Variants in RAD17 observed in about 807,000 individuals in gnomAD.
RAD17 encodes RAD17 checkpoint clamp loader component, also known as cell cycle checkpoint protein RAD17.
Under a neutral mutation model 81.5 loss-of-function variants are expected in RAD17, and 31 were observed. The observed-to-expected ratio is 0.38, with a 90% CI of 0.29 to 0.51. The LOEUF is 0.51. RAD17 is among the 20% of genes least tolerant of loss of function. The pLI is 0.88. For missense variants in RAD17, 681 were observed against 781.2 expected (o/e 0.87, Z 1.53); for synonymous variants, 261 against 266.2 (o/e 0.98, Z 0.19).
chr5:69,405,661 T>C (rs977283056), intron 17 of RAD17, among the ~76,000 whole-genome samples: 5 of 151,434 alleles, frequency 3.3e-5, no homozygotes, highest in African/African-American at 9.7e-5. Context: ...AGCAAAACTC[T>C]GTCTCAAAAA....
At chr5:69,387,658 G>A (rs1764297871) in intron 11 of RAD17, among the ~76,000 whole-genome samples, 1 of 152,144 alleles carries the variant, frequency 6.6e-6, no homozygotes. Context: ...AGGAGTTCAT[G>A]ACCAGCCTGG....
chr5:69,379,690 CACAA>C (rs1464531684), intron 6 of RAD17, among the ~76,000 whole-genome samples: 2 of 151,560 alleles, frequency 1.3e-5, no homozygotes, highest in African/African-American at 4.8e-5. Context: ...GAAATGAAGA[CACAA>C]ACACACCAAT....
chr5:69,402,947 C>T (rs1383732521), intron 17 of RAD17, among the ~76,000 whole-genome samples: 1 of 152,222 alleles, frequency 6.6e-6, no homozygotes, highest in Admixed American at 6.6e-5. Flanking sequence ...AACTTAATAC[C>T]GTTTATTTTA....
intron 13 of RAD17, 127 bp downstream of exon 13, chr5:69,392,140 A>G (rs1222317527): frequency 2.8e-6 from 2 of 715,688 alleles, no homozygotes; most frequent in Non-Finnish European, 4.3e-6. Context: ...TAGGTCAGAT[A>G]CTGTTTGCCT....
At chr5:69,393,556 A>G in intron 15 of RAD17, 56 bp downstream of exon 15, 14 of 1,491,002 alleles carry the variant, frequency 9.4e-6, no homozygotes, top group Non-Finnish European at 1.3e-5. Context: ...AGAATTAAGA[A>G]AAGAAAGTTT....
At chr5:69,374,757 C>T in intron 6 of RAD17, 46 bp downstream of exon 6, 1 of 1,434,674 alleles carries the variant, frequency 7.0e-7, no homozygotes, top group Non-Finnish European at 9.7e-7. Context: ...AAATATTTTT[C>T]TGACTTACAG....
intron 18 of RAD17, among the ~76,000 whole-genome samples, chr5:69,413,782 G>A (rs187466830): frequency 6.6e-6 from 1 of 152,338 alleles, no homozygotes; most frequent in East Asian, 1.9e-4. Context: ...TGATCTGCCT[G>A]CCTTGGCCTC....
Position 69,373,871 on chromosome 5 carries a change from G to C in RAD17, c.51G>C (p.Glu17Asp), listed in dbSNP as rs1471885232. 6.2e-7 allele frequency: 1 copy of C among 1,609,748 alleles called. No individual in the cohort carries two copies. The highest frequency in any genetic ancestry group is 8.5e-7 in the Non-Finnish European group (1 of 1,176,906). Reference protein sequence around the residue: ...WVDPSFDDFLECSGVSTITAT... With the variant: ...WVDPSFDDFLDCSGVSTITAT... The stretch of plus-strand genomic sequence containing the variant: ...ACCCATCATTTGATGATTTTCTAGA[G>C]TGTAGTGGCGTCTCTACTATTACTG... The change falls in exon 5 of 19, where the codon GAG (glutamate) becomes GAC (aspartate). Residue 17 changes from glutamate to aspartate, a missense_variant. Coordinates refer to ENST00000354868, the MANE Select transcript of RAD17 (RefSeq NM_133338.3).
intron 6 of RAD17, among the ~76,000 whole-genome samples, chr5:69,380,724 G>T (rs1763802138): frequency 6.7e-6 from 1 of 150,090 alleles, no homozygotes; most frequent in African/African-American, 2.5e-5. Context: ...ACAACCTCTA[G>T]TCTCTCGTTA....
At chr5:69,393,308 C>T in intron 14 of RAD17, 46 bp from the exon 15 acceptor site, 1 of 1,567,620 alleles carries the variant, frequency 6.4e-7, no homozygotes, top group South Asian at 1.1e-5. Context: ...ATATATTTGA[C>T]CATTGCATTT....
intron 17 of RAD17, among the ~76,000 whole-genome samples, chr5:69,404,695 G>C (rs769075786): frequency 6.6e-6 from 1 of 151,238 alleles, no homozygotes; most frequent in Non-Finnish European, 1.5e-5. Context: ...CTTGAACCCG[G>C]GAGGCGGAGG....
At chr5:69,390,972 G>T (rs1320932072) in intron 12 of RAD17, among the ~76,000 whole-genome samples, 1 of 150,970 alleles carries the variant, frequency 6.6e-6, no homozygotes, top group Non-Finnish European at 1.5e-5. Flanking sequence ...AAAAGGCCGG[G>T]CATGGTGGCT....
At chr5:69,387,440 C>T (rs563789871) in intron 11 of RAD17, among the ~76,000 whole-genome samples, 8 of 152,144 alleles carry the variant, frequency 5.3e-5, no homozygotes, top group Admixed American at 2.6e-4. Context: ...GGATTAAATA[C>T]GTTAGTGTAG....
At chr5:69,385,084 G>C (rs538324438) in intron 8 of RAD17, 151 bp downstream of exon 8, 6 of 625,966 alleles carry the variant, frequency 9.6e-6, no homozygotes, top group African/African-American at 7.9e-5. Context: ...CTCAGCCTCC[G>C]GAGTAGCTGG....
intron 8 of RAD17, among the ~76,000 whole-genome samples, chr5:69,385,514 C>T (rs1382721577): frequency 6.6e-6 from 1 of 151,830 alleles, no homozygotes; most frequent in African/African-American, 2.4e-5. Flanking sequence ...CAAGGTAATC[C>T]TCCCGCCTTG....
chr5:69,371,501 C>A lies in RAD17; in HGVS notation c.-232C>A. On this transcript the variant is annotated 5_prime_UTR_variant, in exon 3 of 19. Transcript: ENST00000354868. ...GCAAGTCCTAAACTACGGATGGGAA[C>A]TATTACAGTTTATAATGTCAAAAAC... The A allele has an allele frequency of 2.4e-6, 3 of 1,259,950 alleles. No homozygotes were observed. The highest frequency in any genetic ancestry group is 3.1e-6 in the Non-Finnish European group (3 of 960,712). 78.0% of individuals were successfully genotyped at this position (1,259,950 alleles called of 1,614,324 possible).
chr5:69,391,858 A>T lies in RAD17; in HGVS notation c.1034A>T (p.Lys345Ile), dbSNP rs1369217246. Residue 345 changes from lysine to isoleucine, a missense_variant, in exon 13 of 19, where the codon AAA becomes ATA. Physicochemically the swap from Lys to Ile is moderately radical, Grantham distance 102. Coordinates refer to ENST00000354868, the MANE Select transcript of RAD17 (RefSeq NM_133338.3). ...GAAAACAACTTACGGCCAAGGAAAA[A>T]AGGAATGTCTTTAAAATCAGATGCT... is the stretch of plus-strand genomic sequence containing the variant. ...KGENNLRPRK[K>I]GMSLKSDAVL... 4 of 1,564,608 alleles carry T rather than the reference A, an allele frequency of 2.6e-6. No homozygotes were observed. The African/African-American group carries it at 5.6e-5, about 22-fold the overall frequency.
At position 69,374,717 on chromosome 5, in the gene RAD17, T is replaced by C. The variant is rs1763231657; in HGVS notation, c.351+6T>C. On this transcript the variant is annotated splice_donor_region_variant and intron_variant, in intron 6 of 18. Coordinates refer to ENST00000354868, the MANE Select transcript of RAD17 (RefSeq NM_133338.3). ...TAGAAAGGCAACCAAAACAGGTAAC[T>C]AAGAAATGTGTTTTTAAATATTTAA... The C allele has an allele frequency of 2.5e-6, 4 of 1,588,852 alleles. No individual in the cohort carries two copies. Among genetic ancestry groups the C allele is most frequent in the African/African-American group, 1.3e-5 (1 of 74,114 alleles).
chr5:69,396,488 G>A lies in RAD17; in HGVS notation c.1514G>A (p.Gly505Glu), dbSNP rs370088539. The A allele has an allele frequency of 1.2e-6, 2 of 1,612,386 alleles. No individual in the cohort carries two copies. Among genetic ancestry groups the A allele is most frequent in the African/African-American group, 2.7e-5 (2 of 74,464 alleles). The change falls in exon 16 of 19, where the codon GGA becomes GAA. Residue 505 changes from glycine (G) to glutamate (E), a missense_variant. Gly to Glu is a moderately conservative substitution (Grantham distance 98). Transcript: ENST00000354868. ...NKARGYAHCQ[G>E]GGSSFRPLHK... ...GCCCGAGGATATGCTCATTGCCAAG[G>A]AGGAGGATCAAGTTTTCGACCCTTG...
Sources: gnomAD v4.1 joint callset for allele counts (sites outside exome capture counted in the v4.1 genomes callset) on GRCh38, gnomAD v4.1.1 for gene constraint, MANE v1.5 for transcripts, NCBI Gene and HGNC (gene_info 2026-07-23, HGNC 2026-07-21) for gene names.